The following INSL6 variants were observed in gnomAD, a reference collection of about 807,000 sequenced individuals.
The protein encoded by INSL6 is insulin like 6.
Under a neutral mutation model 9.4 loss-of-function variants are expected in INSL6, and 16 were observed. That is an observed-to-expected ratio of 1.70 (90% confidence interval 1.15 to 2.59). INSL6 has a LOEUF of 2.59. INSL6 is among the 30% of genes most tolerant of loss of function. The probability of loss-of-function intolerance (pLI) is 0.00; values close to 1 mark genes in which losing one functional copy is unlikely to be tolerated. For synonymous variants in INSL6, 154 were observed against 96.9 expected, an observed-to-expected ratio of 1.59 and a Z score of -3.46; for missense variants, 391 against 257.3, an observed-to-expected ratio of 1.52 and a Z score of -3.56.
chr9:5,004,351 T>G, the INSL6 span, among the ~76,000 whole-genome samples: 1 of 152,206 alleles, frequency 6.6e-6, no homozygotes, highest in African/African-American at 2.4e-5. Context: ...GATTTCTACT[T>G]TTTTAGATTC....
chr9:5,030,073 C>G, the INSL6 span, among the ~76,000 whole-genome samples: 2 of 152,128 alleles, frequency 1.3e-5, no homozygotes, highest in African/African-American at 4.8e-5. Flanking sequence ...ATCAGAGAAA[C>G]TGTTTATACA....
chr9:5,061,144 C>T, the INSL6 span, among the ~76,000 whole-genome samples: 1 of 152,310 alleles, frequency 6.6e-6, no homozygotes, highest in African/African-American at 2.4e-5. Flanking sequence ...ATTTATAGAG[C>T]ACAGGCAGAG....
At chr9:5,097,368 T>C in the INSL6 span, 1 of 152,330 alleles carries the variant, frequency 6.6e-6, no homozygotes, top group African/African-American at 2.4e-5. Flanking sequence ...TCTGATTCTT[T>C]GGTCACCCTG....
chr9:5,131,673 C>T (rs1824291693), intron 3 of INSL6, among the ~76,000 whole-genome samples: 1 of 152,012 alleles, frequency 6.6e-6, no homozygotes, highest in Admixed American at 6.6e-5. Context: ...CTCCTGACCT[C>T]AGGTGATCCA....
chr9:5,166,009 G>T (rs112605701), intron 1 of INSL6, among the ~76,000 whole-genome samples: 23 of 152,144 alleles, frequency 1.5e-4, no homozygotes, highest in African/African-American at 5.1e-4. Flanking sequence ...AGCAATCCAC[G>T]TCATGTGAAA....
the INSL6 span, chr9:5,073,678 G>C: frequency 6.4e-7 from 1 of 1,564,462 alleles, no homozygotes. Flanking sequence ...ACAATTCTTT[G>C]TACTTTTTTT....
At chr9:5,129,225 G>A (rs1310426270) in intron 3 of INSL6, among the ~76,000 whole-genome samples, 2 of 152,062 alleles carry the variant, frequency 1.3e-5, no homozygotes, top group East Asian at 1.9e-4. Flanking sequence ...TCACTTTATT[G>A]AGCCTATGTT....
the INSL6 span, among the ~76,000 whole-genome samples, chr9:5,078,046 G>C: frequency 0.083 from 12,708 of 152,198 alleles, 1,640 homozygotes; most frequent in African/African-American, 0.28. Flanking sequence ...CACAAACCAT[G>C]TCAGCCTTAG....
chr9:5,000,076 A>G, the INSL6 span, among the ~76,000 whole-genome samples: 1 of 151,912 alleles, frequency 6.6e-6, no homozygotes, highest in Non-Finnish European at 1.5e-5. Flanking sequence ...TGAAATGCCT[A>G]TTTATGTTCA....
chr9:5,112,616 C>A, the INSL6 span: 1 of 917,412 alleles, frequency 1.1e-6, no homozygotes, highest in Non-Finnish European at 1.6e-6. Context: ...GCGCATGTGG[C>A]AACTGCACCT....
intron 2 of INSL6, among the ~76,000 whole-genome samples, chr9:5,146,106 T>C (rs1348004151): frequency 6.6e-6 from 1 of 152,204 alleles, no homozygotes; most frequent in Non-Finnish European, 1.5e-5. Context: ...TTTGAGGTTG[T>C]TAACCTTTGG....
chr9:5,164,305 T>C, intron 1 of INSL6, 40 bp from the exon 2 acceptor site: 1 of 1,317,846 alleles, frequency 7.6e-7, no homozygotes. Flanking sequence ...TTTATTAAAA[T>C]CTTCCTTTAG....
At chr9:5,133,981 C>G (rs181771080) in intron 2 of INSL6, among the ~76,000 whole-genome samples, 1 of 152,050 alleles carries the variant, frequency 6.6e-6, no homozygotes, top group Non-Finnish European at 1.5e-5. Flanking sequence ...ACTACAATAA[C>G]CAGTTTAGAG....
At chr9:5,131,739 C>G (rs1824294053) in intron 3 of INSL6, among the ~76,000 whole-genome samples, 1 of 152,132 alleles carries the variant, frequency 6.6e-6, no homozygotes, top group Non-Finnish European at 1.5e-5. Flanking sequence ...TGCGCCCGGC[C>G]CAGTTAACAA....
chr9:5,151,128 G>A (rs1386837595), intron 2 of INSL6, among the ~76,000 whole-genome samples: 4 of 152,028 alleles, frequency 2.6e-5, no homozygotes, highest in African/African-American at 9.7e-5. Context: ...TAACTAATGG[G>A]TACAGTGTAC....
At chr9:5,008,124 T>C in the INSL6 span, among the ~76,000 whole-genome samples, 1 of 152,220 alleles carries the variant, frequency 6.6e-6, no homozygotes, top group African/African-American at 2.4e-5. Context: ...TATTCTTCAG[T>C]GTTGCTATTT....
chr9:5,008,757 C>T, the INSL6 span, among the ~76,000 whole-genome samples: 2 of 152,310 alleles, frequency 1.3e-5, no homozygotes, highest in East Asian at 3.8e-4. Context: ...ATCTTTTTAA[C>T]ATGAACCCAG....
At chr9:5,123,361 C>T (rs535596215), downstream of INSL6, among the ~76,000 whole-genome samples, 1 of 152,082 alleles carries the variant, frequency 6.6e-6, no homozygotes, top group East Asian at 1.9e-4. Flanking sequence ...ATTCTACGTT[C>T]ATGTGTATAC....
In INSL6 at chr9:5,149,614, G is replaced by A. The variant is rs147870692; in HGVS notation, c.376+14565C>T. On this transcript the variant is annotated intron_variant, in intron 2 of 3. Coordinates refer to the INSL6 transcript ENST00000649639. Reference sequence around the variant, plus strand: ...AGATGACACAAACAAATGGAAAAACGGCTGATGCTCATGGACTGAAATATC... The same window carrying A: ...AGATGACACAAACAAATGGAAAAACAGCTGATGCTCATGGACTGAAATATC... Among the ~76,000 whole-genome samples, 685 of 152,174 alleles carry A rather than the reference G, an allele frequency of 4.5e-3. 7 individuals carry two copies. The highest frequency in any genetic ancestry group is 0.016 in the African/African-American group (653 of 41,510).
Sources: gnomAD v4.1 joint callset for allele counts (sites outside exome capture counted in the v4.1 genomes callset) on GRCh38, gnomAD v4.1.1 for gene constraint, MANE v1.5 for transcripts, NCBI Gene and HGNC (gene_info 2026-07-23, HGNC 2026-07-21) for gene names.